PDCD6: variants seen among roughly 807,000 people sequenced by gnomAD.
PDCD6 encodes programmed cell death 6.
PDCD6 carries 12 observed loss-of-function variants against 28.3 expected under a neutral mutation model. That is an observed-to-expected ratio of 0.42 (90% CI 0.27 to 0.69). The LOEUF is 0.69. Among genes scored for constraint, PDCD6 ranks in the 30% least tolerant of loss-of-function variants. The probability of loss-of-function intolerance (pLI) is 0.22; values close to 1 mark genes in which losing one functional copy is unlikely to be tolerated. For synonymous variants in PDCD6, 92 were observed against 108.0 expected (o/e 0.85, Z 0.92); for missense variants, 226 against 269.9 (o/e 0.84, Z 1.14).
At chr5:308,721 C>CA (rs1382479868) in intron 4 of PDCD6, 1 of 152,178 alleles carries the variant, frequency 6.6e-6, no homozygotes, top group Admixed American at 6.5e-5. Flanking sequence ...AGGGAGGCTG[C>CA]ACTGGAGCTT....
At chr5:288,287 AT>A (rs1739101578) in intron 2 of PDCD6, among the ~76,000 whole-genome samples, 2 of 89,028 alleles carry the variant, frequency 2.2e-5, no homozygotes, top group African/African-American at 8.8e-5. Context: ...AAAATAATAT[AT>A]ATATTATATA....
rs1256361395 is a variant in PDCD6 at position 307,501 on chromosome 5, C to T, written c.367+741C>T. 6.6e-6 allele frequency among the ~76,000 whole-genome samples: 1 copy of T among 152,218 alleles called. No individual in the cohort carries two copies. Among genetic ancestry groups the T allele is most frequent in the Non-Finnish European group, 1.5e-5 (1 of 68,034 alleles). On this transcript the variant is annotated intron_variant, in intron 4 of 5. Coordinates refer to ENST00000264933, the MANE Select transcript of PDCD6 (RefSeq NM_013232.4). The surrounding 1 kb of genome is among the most constrained non-coding windows in gnomAD (Gnocchi z 6.1). ...CGTGGGTCTAGGAGTGTTCACAGTG[C>T]CTGTCCAGAGTGCGTCCATAGGGCC...
chr5:275,384 A>G (rs764333648), intron 2 of PDCD6, among the ~76,000 whole-genome samples: 2 of 152,216 alleles, frequency 1.3e-5, no homozygotes, highest in Non-Finnish European at 2.9e-5. Flanking sequence ...AGCCCCAGGA[A>G]ATGGCCACCC....
At chr5:300,258 G>A (rs1331757495) in intron 2 of PDCD6, among the ~76,000 whole-genome samples, 1 of 152,214 alleles carries the variant, frequency 6.6e-6, no homozygotes, top group Non-Finnish European at 1.5e-5. Flanking sequence ...TTCGCTGTGG[G>A]TGGCTGGAAC....
intron 2 of PDCD6, among the ~76,000 whole-genome samples, chr5:290,555 G>A (rs1019046227): frequency 4.6e-5 from 7 of 152,196 alleles, no homozygotes; most frequent in African/African-American, 1.7e-4. Context: ...CGCCTGGCAC[G>A]TCACCCTAAA....
At chr5:284,714 G>A (rs1482856220) in intron 2 of PDCD6, among the ~76,000 whole-genome samples, 1 of 147,406 alleles carries the variant, frequency 6.8e-6, no homozygotes, top group Non-Finnish European at 1.5e-5. Context: ...GGAGGGAGCT[G>A]ATGTTCCAGT....
intron 2 of PDCD6, among the ~76,000 whole-genome samples, chr5:285,710 G>GGTA: frequency 6.7e-6 from 1 of 148,828 alleles, no homozygotes; most frequent in South Asian, 2.2e-4. Context: ...CCCGGGGGCG[G>GGTA]GCTGATGTTC....
At chr5:287,909 C>G (rs906815761) in intron 2 of PDCD6, among the ~76,000 whole-genome samples, 2 of 152,174 alleles carry the variant, frequency 1.3e-5, no homozygotes, top group African/African-American at 4.8e-5. Context: ...TTCAAGGAAC[C>G]TGCTTGGTTC....
chr5:291,376 T>A (rs1182044865), intron 2 of PDCD6, among the ~76,000 whole-genome samples: 2 of 152,074 alleles, frequency 1.3e-5, no homozygotes, highest in Non-Finnish European at 2.9e-5. Context: ...ATTCTCTCCC[T>A]GAGACCCACC....
At chr5:277,562 A>G (rs886491804) in intron 2 of PDCD6, among the ~76,000 whole-genome samples, 1 of 151,630 alleles carries the variant, frequency 6.6e-6, no homozygotes, top group African/African-American at 2.4e-5. Context: ...CAGCCTCCCA[A>G]AGTGCTGGGA....
At chr5:291,647 G>T (rs1225467040) in intron 2 of PDCD6, among the ~76,000 whole-genome samples, 1 of 149,110 alleles carries the variant, frequency 6.7e-6, no homozygotes, top group Non-Finnish European at 1.5e-5. Flanking sequence ...CTCTCCCTGA[G>T]ACCCACCCAC....
intron 5 of PDCD6, chr5:313,944 T>C (rs1320483980): frequency 1.2e-5 from 2 of 165,014 alleles, no homozygotes; most frequent in Non-Finnish European, 2.7e-5. Flanking sequence ...GCCTGGACCC[T>C]CGGCTGTGAG....
At chr5:306,357 C>T (rs1740481484) in intron 3 of PDCD6, 1 of 463,806 alleles carries the variant, frequency 2.2e-6, no homozygotes, top group South Asian at 2.8e-5. Context: ...GCTGCAAGTG[C>T]ACCTTCTCCT....
At chr5:302,803 C>A (rs1740190871) in intron 2 of PDCD6, among the ~76,000 whole-genome samples, 1 of 145,286 alleles carries the variant, frequency 6.9e-6, no homozygotes, top group Non-Finnish European at 1.5e-5. Context: ...GTGTGGGCCA[C>A]AGGTTCAGGT....
At chr5:276,748 C>T in intron 2 of PDCD6, 1 of 984,940 alleles carries the variant, frequency 1.0e-6, no homozygotes, top group Non-Finnish European at 1.2e-6. Context: ...TAAATTTGTG[C>T]TTCTGAGTGC....
At chr5:297,798 C>T (rs1042048967) in intron 2 of PDCD6, among the ~76,000 whole-genome samples, 1 of 152,140 alleles carries the variant, frequency 6.6e-6, no homozygotes, top group Non-Finnish European at 1.5e-5. Flanking sequence ...ATGGCAAAGA[C>T]TTTAGAAGTC....
chr5:274,301 T>G (rs1056322373), intron 2 of PDCD6, among the ~76,000 whole-genome samples: 3 of 152,220 alleles, frequency 2.0e-5, no homozygotes, highest in African/African-American at 7.2e-5. Flanking sequence ...AATTTTTAGA[T>G]TTTAGGTTTA....
At chr5:288,851 A>G in intron 2 of PDCD6, 1 of 1,490,630 alleles carries the variant, frequency 6.7e-7, no homozygotes, top group Middle Eastern at 1.8e-4. Flanking sequence ...CCATTGGTTC[A>G]TCGGTGACTT....
chr5:286,331 G>A lies in PDCD6; in HGVS notation c.163+13559G>A, dbSNP rs143152707. 7.8e-3 allele frequency among the ~76,000 whole-genome samples: 1,183 copies of A among 151,932 alleles called. 5 individuals carry two copies. The highest frequency in any genetic ancestry group is 0.012 in the Admixed American group (186 of 15,280). ...GGGCCATGCAGCTGGAGACCCATGG[G>A]GGAGCTGATGTTGTTTTGAGAGCCG... On this transcript the variant is annotated intron_variant, in intron 2 of 5. Transcript: ENST00000264933.
Sources: allele counts gnomAD v4.1 joint callset (sites outside exome capture counted in the v4.1 genomes callset), GRCh38; gene constraint gnomAD v4.1.1; non-coding constraint Gnocchi (gnomAD v3.1); transcripts MANE v1.5; gene names NCBI Gene and HGNC (gene_info 2026-07-23, HGNC 2026-07-21).